The following UNC93A variants were observed in gnomAD, a reference collection of about 807,000 sequenced individuals.
The protein encoded by UNC93A is N-acetylglucosamine transporter UNC93A.
A neutral mutation model predicts 47.5 loss-of-function variants in UNC93A; 43 were observed. That is an observed-to-expected ratio of 0.91 (90% CI 0.71 to 1.17). The LOEUF (loss-of-function observed/expected upper bound fraction) is 1.17, where lower values mean the gene tolerates loss of function less well. Among genes scored for constraint, UNC93A ranks in the 50% most tolerant of loss-of-function variants. The pLI, the probability that UNC93A is intolerant of heterozygous loss-of-function variation, is 0.00. For missense variants in UNC93A, 605 were observed against 577.6 expected (o/e 1.05, Z -0.49); for synonymous variants, 280 against 258.0 (o/e 1.09, Z -0.82).
exon 1 of UNC93A, chr6:167,271,218 C>G (rs1165383945): frequency 1.5e-5 from 2 of 136,286 alleles, no homozygotes; most frequent in East Asian, 2.1e-4. Flanking sequence ...CAACAGGAGG[C>G]CTGAAGGAAA....
chr6:167,272,207 A>G (rs1276899001), intron 1 of UNC93A, among the ~76,000 whole-genome samples: 3 of 151,978 alleles, frequency 2.0e-5, no homozygotes, highest in Non-Finnish European at 4.4e-5. Flanking sequence ...CTTACCTTGA[A>G]CTCCCACCAT....
intron 1 of UNC93A, among the ~76,000 whole-genome samples, chr6:167,286,102 G>A (rs969316686): frequency 4.0e-5 from 6 of 149,750 alleles, no homozygotes; most frequent in African/African-American, 1.5e-4. Context: ...ATTCACATAT[G>A]TATATATGGA....
At chr6:167,296,386 C>A in intron 3 of UNC93A, 125 bp downstream of exon 3, 1 of 1,011,794 alleles carries the variant, frequency 9.9e-7, no homozygotes, top group Non-Finnish European at 1.5e-6. Flanking sequence ...TGAGTCAGGC[C>A]CCACAGGTGA....
At chr6:167,292,821 C>A (rs1385491213) in intron 1 of UNC93A, among the ~76,000 whole-genome samples, 2 of 152,160 alleles carry the variant, frequency 1.3e-5, no homozygotes, top group African/African-American at 4.8e-5. Context: ...TGGTCAGTAG[C>A]CCTTTCTCTT....
rs529171388 is a variant in UNC93A, at chr6:167,298,047, A to T, written c.602A>T (p.Tyr201Phe). The T allele has an allele frequency of 4.3e-6, 7 of 1,613,394 alleles. No homozygotes were observed. The highest frequency in any genetic ancestry group is 5.9e-6 in the Non-Finnish European group (7 of 1,179,878). ...CAGAGGCCCTCCCAGCAGCTGGTCT[A>T]CACCCTCCTGGGCATCTACACTGGT... ...STQRPSQQLV[Y>F]TLLGIYTGSG... The change falls in exon 4 of 8, where the codon TAC becomes TTC. Residue 201 changes from tyrosine (Y) to phenylalanine (F), a missense_variant. Physicochemically the swap from Tyr to Phe is conservative, Grantham distance 22. Transcript: ENST00000230256.
chr6:167,277,619 C>G (rs1445297039), intron 1 of UNC93A, among the ~76,000 whole-genome samples: 1 of 151,562 alleles, frequency 6.6e-6, no homozygotes, highest in Non-Finnish European at 1.5e-5. Context: ...CTCTGTCTCT[C>G]TCTCTCTGAC....
chr6:167,292,957 TGGA>T (rs1783875136), intron 1 of UNC93A, among the ~76,000 whole-genome samples: 1 of 152,108 alleles, frequency 6.6e-6, no homozygotes, highest in Non-Finnish European at 1.5e-5. Flanking sequence ...CCAGTTCTGG[TGGA>T]TCCGCTGTGG....
In UNC93A at chr6:167,296,731, C is replaced by T. The variant is rs544786024; in HGVS notation, c.499+470C>T. On this transcript the variant is annotated intron_variant, in intron 3 of 7. Transcript: ENST00000230256. Reference sequence around the variant, plus strand: ...TGGATGGGCTGATGCCCTGGCTCCTCTGTCTCTACCCGACCTTGCCCTGGT... The same window carrying T: ...TGGATGGGCTGATGCCCTGGCTCCTTTGTCTCTACCCGACCTTGCCCTGGT... 2.0e-5 allele frequency among the ~76,000 whole-genome samples: 3 copies of T among 152,370 alleles called. No individual in the cohort carries two copies. The South Asian group carries it at 6.2e-4, about 32-fold the overall frequency.
intron 7 of UNC93A, among the ~76,000 whole-genome samples, chr6:167,308,641 T>TG (rs1778470452): frequency 7.7e-6 from 1 of 130,556 alleles, no homozygotes; most frequent in African/African-American, 3.1e-5. Flanking sequence ...GAAGGCGGCC[T>TG]GGGGGGAGTG....
chr6:167,307,537 G>T (rs1778434131), intron 6 of UNC93A, among the ~76,000 whole-genome samples: 2 of 148,084 alleles, frequency 1.4e-5, no homozygotes, highest in South Asian at 4.3e-4. Flanking sequence ...CCAGAGGATG[G>T]TTGAGACAGT....
At chr6:167,302,655 G>C (rs1344897906) in intron 4 of UNC93A, among the ~76,000 whole-genome samples, 1 of 152,170 alleles carries the variant, frequency 6.6e-6, no homozygotes, top group Non-Finnish European at 1.5e-5. Flanking sequence ...GGCAGATGGA[G>C]ATTTAGTCAT....
chr6:167,309,818 A>G (rs1195882477), intron 7 of UNC93A, among the ~76,000 whole-genome samples: 2 of 152,148 alleles, frequency 1.3e-5, no homozygotes, highest in Non-Finnish European at 2.9e-5. Flanking sequence ...CGTGTTTCAC[A>G]GTCCTTTCTG....
chr6:167,301,732 G>A (rs747559810), intron 4 of UNC93A, among the ~76,000 whole-genome samples: 79 of 152,154 alleles, frequency 5.2e-4, no homozygotes, highest in Non-Finnish European at 9.4e-4. Flanking sequence ...TGGGCTGCTT[G>A]ACACTGAAGT....
chr6:167,305,420 G>C (rs115043731), intron 5 of UNC93A, among the ~76,000 whole-genome samples: 2 of 152,170 alleles, frequency 1.3e-5, no homozygotes, highest in Non-Finnish European at 2.9e-5. Context: ...TCCCTGTTCT[G>C]CGTGCCCGCC....
At chr6:167,297,892 A>C (rs913986654) in intron 3 of UNC93A, 53 bp from the exon 4 acceptor site, 7 of 1,597,950 alleles carry the variant, frequency 4.4e-6, no homozygotes, top group Non-Finnish European at 6.0e-6. Flanking sequence ...AAGAACCTAC[A>C]TCTTGTCACA....
chr6:167,302,587 A>C lies in UNC93A; in HGVS notation c.626-1332A>C, dbSNP rs548314798. Reference sequence around the variant, plus strand: ...GCTTCTAGTAAAGTGAGAAACGCCTAAATAAACATCAGTTCTCCATCGACA... The same window carrying C: ...GCTTCTAGTAAAGTGAGAAACGCCTCAATAAACATCAGTTCTCCATCGACA... On this transcript the variant is annotated intron_variant, in intron 4 of 7. Transcript: ENST00000230256. Among the ~76,000 whole-genome samples the C allele has an allele frequency of 2.0e-5, 3 of 152,330 alleles. No homozygotes were observed. The East Asian group carries it at 5.8e-4, about 29-fold the overall frequency.
upstream of UNC93A, among the ~76,000 whole-genome samples, chr6:167,287,742 CGTGTGT>C (rs10604076): frequency 1.3e-5 from 2 of 149,894 alleles, no homozygotes; most frequent in South Asian, 2.1e-4. Context: ...TGTGTGCATG[CGTGTGT>C]GTGTGTGTGT....
intron 4 of UNC93A, among the ~76,000 whole-genome samples, chr6:167,299,131 TACACACAC>T (rs60853250): frequency 0.02 from 2,775 of 136,382 alleles, 122 homozygotes; most frequent in African/African-American, 0.073. Context: ...AAAAAAAAAA[TACACACAC>T]ACACACACAC....
chr6:167,306,832 T>C (rs975871853), intron 6 of UNC93A, among the ~76,000 whole-genome samples: 1 of 152,200 alleles, frequency 6.6e-6, no homozygotes, highest in African/African-American at 2.4e-5. Context: ...TGGACCTGCC[T>C]TTCCGCTGAC....
Sources: allele counts gnomAD v4.1 joint callset (sites outside exome capture counted in the v4.1 genomes callset), GRCh38; gene constraint gnomAD v4.1.1; transcripts MANE v1.5; gene names NCBI Gene and HGNC (gene_info 2026-07-23, HGNC 2026-07-21).